CNTNAP2: variants seen among roughly 807,000 people sequenced by gnomAD.
CNTNAP2 encodes the protein contactin associated protein 2.
In CNTNAP2, 98 loss-of-function variants were observed where a neutral mutation model predicts 155.2. That is an observed-to-expected ratio of 0.63 (90% CI 0.54 to 0.75). The LOEUF is 0.75. CNTNAP2 is among the 30% of genes least tolerant of loss of function. CNTNAP2 has a pLI of 0.00. For missense variants in CNTNAP2, 1,727 were observed against 1,688.1 expected (o/e 1.02, Z -0.40); for synonymous variants, 651 against 631.2 (o/e 1.03, Z -0.47).
chr7:147,105,879 T>C (rs1800755565), intron 4 of CNTNAP2, among the ~76,000 whole-genome samples: 1 of 152,034 alleles, frequency 6.6e-6, no homozygotes. Context: ...AAAGTGAGAC[T>C]TGGTCTACAT....
intron 15 of CNTNAP2, among the ~76,000 whole-genome samples, chr7:147,979,295 G>A (rs1048011545): frequency 1.5e-5 from 1 of 64,698 alleles, no homozygotes; most frequent in Admixed American, 2.0e-4. Context: ...TAGTAAAACT[G>A]TGCAGAAGAA....
chr7:146,561,192 A>C (rs1467146414), intron 1 of CNTNAP2, among the ~76,000 whole-genome samples: 1 of 152,136 alleles, frequency 6.6e-6, no homozygotes, highest in Non-Finnish European at 1.5e-5. Flanking sequence ...ATTGTGTAGA[A>C]GACAATAGAA....
intron 13 of CNTNAP2, chr7:147,831,940 A>G (rs1306221731): frequency 1.3e-5 from 2 of 152,092 alleles, no homozygotes; most frequent in Non-Finnish European, 2.9e-5. Flanking sequence ...TGACTGTTAC[A>G]CATGGCATAC....
intron 13 of CNTNAP2, among the ~76,000 whole-genome samples, chr7:147,820,361 G>T (rs769012121): frequency 2.0e-5 from 3 of 151,626 alleles, no homozygotes; most frequent in South Asian, 4.2e-4. Context: ...CTATTTTTTC[G>T]TTGCTGCTTT....
intron 3 of CNTNAP2, among the ~76,000 whole-genome samples, chr7:146,968,311 A>G (rs1429968828): frequency 4.6e-5 from 7 of 151,998 alleles, no homozygotes; most frequent in African/African-American, 1.2e-4. Context: ...GTATCAGGAT[A>G]ATGCTGGCCT....
At chr7:146,773,313 T>C (rs1191322118) in intron 1 of CNTNAP2, among the ~76,000 whole-genome samples, 1 of 152,208 alleles carries the variant, frequency 6.6e-6, no homozygotes, top group Non-Finnish European at 1.5e-5. Context: ...TGGTTGAGCA[T>C]GATGGGAACT....
chr7:147,446,394 G>C lies in CNTNAP2; in HGVS notation c.1671-39541G>C, dbSNP rs1797740820. On this transcript the variant is annotated intron_variant, in intron 10 of 23. Transcript: ENST00000361727. ...TGCTTTTAGCTGGGAGAGTCCTTAAGTGTATCACTGAAAGTGGTTGCTGGT... is the reference window on the plus strand; with the variant it reads ...TGCTTTTAGCTGGGAGAGTCCTTAACTGTATCACTGAAAGTGGTTGCTGGT... Among the ~76,000 whole-genome samples, 3 of 152,278 alleles carry C rather than the reference G, an allele frequency of 2.0e-5. No individual in the cohort carries two copies. In the South Asian group the frequency reaches 6.2e-4, roughly 32 times the overall value.
chr7:147,692,929 C>G (rs113189636), intron 13 of CNTNAP2, among the ~76,000 whole-genome samples: 1,615 of 152,062 alleles, frequency 0.011, 21 homozygotes, highest in African/African-American at 0.037. Flanking sequence ...CATAGGTCGT[C>G]TAGATTTTCT....
chr7:147,474,238 T>G (rs1798276911), intron 10 of CNTNAP2, among the ~76,000 whole-genome samples: 2 of 151,820 alleles, frequency 1.3e-5, no homozygotes, highest in African/African-American at 4.8e-5. Context: ...ATGATGGGGT[T>G]GCAGAGATTA....
Position 148,091,760 on chromosome 7 carries a change from C to G in CNTNAP2, c.2384-26358C>G, listed in dbSNP as rs192309282. On this transcript the variant is annotated intron_variant, in intron 15 of 23. Transcript: ENST00000361727. ...TTGAACTGTTTCCATGGAACATCTC[C>G]ATGGGTCAGACTGTAGCCTCAAAGA... is the stretch of plus-strand genomic sequence containing the variant. 3.3e-5 allele frequency among the ~76,000 whole-genome samples: 5 copies of G among 152,210 alleles called. No homozygotes were observed. In the East Asian group the frequency reaches 9.7e-4, roughly 29 times the overall value.
At chr7:148,028,320 G>A (rs1172031382) in intron 15 of CNTNAP2, among the ~76,000 whole-genome samples, 1 of 152,146 alleles carries the variant, frequency 6.6e-6, no homozygotes, top group Non-Finnish European at 1.5e-5. Context: ...GAAAACTGAG[G>A]TCTAATAATC....
At chr7:147,389,643 G>A (rs1190990346) in intron 9 of CNTNAP2, among the ~76,000 whole-genome samples, 3 of 152,150 alleles carry the variant, frequency 2.0e-5, no homozygotes, top group African/African-American at 7.2e-5. Flanking sequence ...TTTCAGACAT[G>A]CCAGTGAAGT....
chr7:147,465,133 G>C (rs751188039), intron 10 of CNTNAP2, among the ~76,000 whole-genome samples: 1 of 152,142 alleles, frequency 6.6e-6, no homozygotes, highest in African/African-American at 2.4e-5. Flanking sequence ...AGAAAGAGTA[G>C]ACACTGGGGA....
At chr7:147,997,832 C>T (rs571931732) in intron 15 of CNTNAP2, among the ~76,000 whole-genome samples, 8 of 152,130 alleles carry the variant, frequency 5.3e-5, no homozygotes, top group African/African-American at 1.7e-4. Flanking sequence ...GGTGCACATG[C>T]GCAGTAGCCG....
intron 3 of CNTNAP2, among the ~76,000 whole-genome samples, chr7:146,980,852 G>A (rs1798002086): frequency 6.6e-6 from 1 of 152,010 alleles, no homozygotes; most frequent in Admixed American, 6.6e-5. Context: ...TATATCATCG[G>A]GTTCCTTCCT....
chr7:148,367,569 A>G lies in CNTNAP2; in HGVS notation c.3476-16080A>G, dbSNP rs193123916. ...CTGATTTGGCGTCTGCTTTGCCTTA[A>G]AAAAGCATTCTAGACAGATATTCAG... On this transcript the variant is annotated intron_variant, in intron 21 of 23. Transcript: ENST00000361727. 2.0e-5 allele frequency among the ~76,000 whole-genome samples: 3 copies of G among 152,306 alleles called. No individual in the cohort carries two copies. The East Asian group carries it at 5.8e-4, about 29-fold the overall frequency.
intron 13 of CNTNAP2, among the ~76,000 whole-genome samples, chr7:147,745,568 C>T (rs529934456): frequency 3.9e-5 from 6 of 152,272 alleles, no homozygotes; most frequent in South Asian, 2.1e-4. Flanking sequence ...TCCAATTACA[C>T]GATGTCTTAA....
At chr7:147,902,275 A>G (rs2538964) in intron 13 of CNTNAP2, among the ~76,000 whole-genome samples, 52,986 of 152,042 alleles carry the variant, frequency 0.35, 9,658 homozygotes, top group African/African-American at 0.45. Context: ...AAATATTTCT[A>G]CTATTGACAT....
intron 8 of CNTNAP2, among the ~76,000 whole-genome samples, chr7:147,172,423 TG>T (rs1226621332): frequency 6.6e-6 from 1 of 152,196 alleles, no homozygotes. Flanking sequence ...TTTCAAATAT[TG>T]ATTAATATTA....
Sources: gnomAD v4.1 joint callset for allele counts (sites outside exome capture counted in the v4.1 genomes callset) on GRCh38, gnomAD v4.1.1 for gene constraint, MANE v1.5 for transcripts, NCBI Gene and HGNC (gene_info 2026-07-23, HGNC 2026-07-21) for gene names.